Variants in PTPRE observed in about 807,000 individuals in gnomAD.
The protein encoded by PTPRE is protein tyrosine phosphatase receptor type E.
In PTPRE, 51 loss-of-function variants were observed where a neutral mutation model predicts 102.0. The observed-to-expected ratio is 0.50, with a 90% confidence interval of 0.40 to 0.63. The LOEUF is 0.63. Ranked by LOEUF, PTPRE falls within the 30% of genes least tolerant of loss-of-function variation. The probability of loss-of-function intolerance (pLI) is 0.00; values close to 1 mark genes in which losing one functional copy is unlikely to be tolerated. For synonymous variants in PTPRE, 345 were observed against 348.2 expected (o/e 0.99, Z 0.10); for missense variants, 752 against 915.1 (o/e 0.82, Z 2.30).
intron 1 of PTPRE, among the ~76,000 whole-genome samples, chr10:127,922,630 A>G (rs959249449): frequency 8.5e-5 from 13 of 152,210 alleles, no homozygotes; most frequent in African/African-American, 2.9e-4. Flanking sequence ...CATCTGCCAC[A>G]CATGATACCA....
intron 1 of PTPRE, among the ~76,000 whole-genome samples, chr10:127,912,427 G>A (rs1429077908): frequency 3.3e-5 from 5 of 151,986 alleles, no homozygotes; most frequent in African/African-American, 9.7e-5. Flanking sequence ...CAGTTAATCC[G>A]GTCCATTATG....
intron 20 of PTPRE, among the ~76,000 whole-genome samples, chr10:128,080,243 C>T (rs1441249338): frequency 6.6e-6 from 1 of 152,230 alleles, no homozygotes; most frequent in East Asian, 1.9e-4. Flanking sequence ...AGAAGCGATT[C>T]CTCCTCACCA....
intron 2 of PTPRE, among the ~76,000 whole-genome samples, chr10:128,012,131 C>G (rs1362787837): frequency 1.3e-5 from 2 of 152,118 alleles, no homozygotes; most frequent in African/African-American, 4.8e-5. Flanking sequence ...GGGTGTGAAC[C>G]CAGGTCCACC....
intron 11 of PTPRE, among the ~76,000 whole-genome samples, chr10:128,067,093 T>G (rs965848901): frequency 3.3e-4 from 48 of 143,830 alleles, no homozygotes; most frequent in South Asian, 9.0e-4. Context: ...GGCACACACA[T>G]GCACACACAC....
intron 6 of PTPRE, among the ~76,000 whole-genome samples, chr10:128,051,351 T>C (rs74159151): frequency 0.01 from 1,537 of 152,346 alleles, 27 homozygotes; most frequent in African/African-American, 0.035. Flanking sequence ...AATTATATTT[T>C]AACATAACAC....
rs1307274238 is a variant in PTPRE at position 128,027,603 on chromosome 10, G to A, written c.-7-13272G>A. On this transcript the variant is annotated intron_variant, in intron 2 of 20. Coordinates refer to ENST00000254667, the MANE Select transcript of PTPRE (RefSeq NM_006504.6). ...TCCTAATCCAGAAACATGTGGGTCA[G>A]CGCCTGCATGACCAGGATGGATACT... Among the ~76,000 whole-genome samples the A allele has an allele frequency of 3.9e-5, 6 of 152,342 alleles. No individual in the cohort carries two copies. The East Asian group carries it at 5.8e-4, about 15-fold the overall frequency.
intron 2 of PTPRE, among the ~76,000 whole-genome samples, chr10:128,016,617 G>A (rs1250384975): frequency 6.6e-6 from 1 of 152,058 alleles, no homozygotes; most frequent in Non-Finnish European, 1.5e-5. Context: ...AGTGGCCTGG[G>A]AACAGCACCC....
intron 1 of PTPRE, among the ~76,000 whole-genome samples, chr10:127,960,471 G>T (rs555283931): frequency 6.6e-6 from 1 of 152,274 alleles, no homozygotes; most frequent in Admixed American, 6.5e-5. Flanking sequence ...CTTAAGTCTG[G>T]TGGATTCCTT....
In PTPRE at chr10:127,967,019, A is replaced by G. The variant is rs543482778; in HGVS notation, c.-30-15255A>G. On this transcript the variant is annotated intron_variant, in intron 1 of 20. Coordinates refer to ENST00000254667, the MANE Select transcript of PTPRE (RefSeq NM_006504.6). ...TAAGAGATAAAGCGTTTTGTGGCAA[A>G]CAAACAAACACTTCAAGGGCAAAGT... is the stretch of plus-strand genomic sequence containing the variant. 9.9e-5 allele frequency among the ~76,000 whole-genome samples: 15 copies of G among 151,596 alleles called. No homozygotes were observed. The South Asian group carries it at 2.7e-3, about 27-fold the overall frequency.
intron 1 of PTPRE, among the ~76,000 whole-genome samples, chr10:127,978,359 G>A (rs1021087711): frequency 2.6e-5 from 4 of 151,830 alleles, no homozygotes; most frequent in Non-Finnish European, 5.9e-5. Context: ...GGCAACATCA[G>A]GAGACCCTGT....
In PTPRE at chr10:127,907,312, G is replaced by A; in HGVS notation, c.-31+3G>A. 1 of 984,782 alleles carries A rather than the reference G, an allele frequency of 1.0e-6. No homozygotes were observed. Among genetic ancestry groups the A allele is most frequent in the Non-Finnish European group, 1.2e-6 (1 of 829,750 alleles). 61.0% of individuals were successfully genotyped at this position (984,782 alleles called of 1,614,324 possible). ...GCGACCAGACCGGCCCCCCCGAGGT[G>A]AGCGCGCGTGCGGACAGGGACCCTG... On this transcript the variant is annotated splice_donor_region_variant and intron_variant, in intron 1 of 20. Transcript: ENST00000254667. This position sits in a 1 kb window ranked among gnomAD's most constrained non-coding sequence, Gnocchi z 4.8.
intron 1 of PTPRE, among the ~76,000 whole-genome samples, chr10:127,932,851 C>T (rs553084951): frequency 2.0e-5 from 3 of 152,338 alleles, no homozygotes; most frequent in African/African-American, 7.2e-5. Flanking sequence ...CAAACTCATT[C>T]AGGTATTGGC....
rs531708889 is a variant in PTPRE, at chr10:128,058,127, A to C, written c.511+1914A>C. On this transcript the variant is annotated intron_variant, in intron 7 of 20. Transcript: ENST00000254667. ...AAAGGTAACATCACATTGTTAATTA[A>C]GACTATTTAGCTGGGACCTCTGTGG... is the stretch of plus-strand genomic sequence containing the variant. Among the ~76,000 whole-genome samples, 4 of 152,304 alleles carry C rather than the reference A, an allele frequency of 2.6e-5. No individual in the cohort carries two copies. In the South Asian group the frequency reaches 6.2e-4, roughly 24 times the overall value.
chr10:127,982,470 C>A (rs931236046), intron 2 of PTPRE, among the ~76,000 whole-genome samples, 174 bp downstream of exon 2: 3 of 149,028 alleles, frequency 2.0e-5, no homozygotes, highest in African/African-American at 7.5e-5. Flanking sequence ...CATATCACAC[C>A]TTTTTGTTAC....
chr10:127,972,888 A>C (rs1485836683), intron 1 of PTPRE, among the ~76,000 whole-genome samples: 1 of 152,222 alleles, frequency 6.6e-6, no homozygotes, highest in African/African-American at 2.4e-5. Context: ...ATGTCTCCAC[A>C]TCACACAGAG....
At chr10:128,002,197 C>T (rs1284595723) in intron 2 of PTPRE, among the ~76,000 whole-genome samples, 3 of 152,204 alleles carry the variant, frequency 2.0e-5, no homozygotes, top group Non-Finnish European at 4.4e-5. Context: ...GCAAAGCTGT[C>T]AGCATGAGTA....
At chr10:128,018,195 G>C (rs1038530907) in intron 2 of PTPRE, among the ~76,000 whole-genome samples, 12 of 152,054 alleles carry the variant, frequency 7.9e-5, no homozygotes, top group Non-Finnish European at 1.6e-4. Context: ...GGGGCGGGGG[G>C]CATGAGAGTG....
chr10:127,997,367 C>T lies in PTPRE; in HGVS notation c.-8+15071C>T, dbSNP rs912768415. Among the ~76,000 whole-genome samples, 3 of 152,334 alleles carry T rather than the reference C, an allele frequency of 2.0e-5. No individual in the cohort carries two copies. The South Asian group carries it at 6.2e-4, about 32-fold the overall frequency. ...CCATGTTCAAGGTAATCTCCCAAGTCCCTCTGCTGCTGCTGGCTGTGAGGC... is the reference window on the plus strand; with the variant it reads ...CCATGTTCAAGGTAATCTCCCAAGTTCCTCTGCTGCTGCTGGCTGTGAGGC... On this transcript the variant is annotated intron_variant, in intron 2 of 20. Coordinates refer to ENST00000254667, the MANE Select transcript of PTPRE (RefSeq NM_006504.6).
intron 2 of PTPRE, among the ~76,000 whole-genome samples, chr10:128,025,505 A>G (rs1846229600): frequency 1.3e-5 from 2 of 152,192 alleles, no homozygotes; most frequent in Admixed American, 1.3e-4. Context: ...TAAACTGCAG[A>G]CATCACCTCC....
Sources: allele counts gnomAD v4.1 joint callset (sites outside exome capture counted in the v4.1 genomes callset), GRCh38; gene constraint gnomAD v4.1.1; non-coding constraint Gnocchi (gnomAD v3.1); transcripts MANE v1.5; gene names NCBI Gene and HGNC (gene_info 2026-07-23, HGNC 2026-07-21).